The following TENT5B variants were observed in gnomAD, a reference collection of about 807,000 sequenced individuals.
TENT5B encodes family with sequence similarity 46 member B.
In TENT5B, 12 loss-of-function variants were observed where a neutral mutation model predicts 21.7. That is an observed-to-expected ratio of 0.55 (90% CI 0.36 to 0.90). The LOEUF (loss-of-function observed/expected upper bound fraction) is 0.90, where lower values mean the gene tolerates loss of function less well. Ranked by LOEUF, TENT5B falls within the 40% of genes least tolerant of loss-of-function variation. The pLI is 0.01. For missense variants in TENT5B, 540 were observed against 601.5 expected, an observed-to-expected ratio of 0.90 and a Z score of 1.07; for synonymous variants, 262 against 266.6, an observed-to-expected ratio of 0.98 and a Z score of 0.17.
At position 27,005,846 on chromosome 1, in the gene TENT5B, G is replaced by A; in HGVS notation, c.*98C>T. 1 of 1,461,888 alleles carries A rather than the reference G, an allele frequency of 6.8e-7. No individual in the cohort carries two copies. The highest frequency in any genetic ancestry group is 9.2e-7 in the Non-Finnish European group (1 of 1,091,658). The allele number at this position is 1,461,888 out of a possible 1,614,324, so 90.6% of individuals were successfully genotyped here. A position where few individuals can be genotyped will look rare whatever the true frequency, so the allele number is the denominator to read the frequency against. ...CCAACCCTGCAGTGCTGGGCCTCCT[G>A]GCACATTCTGCGCCTCTGGTCATGT... On this transcript the variant is annotated 3_prime_UTR_variant, in exon 2 of 2. Coordinates refer to ENST00000289166, the MANE Select transcript of TENT5B (RefSeq NM_052943.4).
At chr1:27,009,503 G>A (rs1321443738) in intron 1 of TENT5B, among the ~76,000 whole-genome samples, 1 of 152,230 alleles carries the variant, frequency 6.6e-6, no homozygotes, top group African/African-American at 2.4e-5. Flanking sequence ...GAATAGTTGG[G>A]GAACAGGAAG....
At chr1:27,007,280 A>G (rs964786237) in intron 1 of TENT5B, among the ~76,000 whole-genome samples, 5 of 152,108 alleles carry the variant, frequency 3.3e-5, no homozygotes, top group Non-Finnish European at 7.3e-5. Flanking sequence ...TGAGGTGGAT[A>G]CTATTATTCA....
chr1:27,006,149 A>T lies in TENT5B; in HGVS notation c.1073T>A (p.Met358Lys), dbSNP rs371926075. ...CAGCGTCTGGCGGCGCTCGTGGTTC[A>T]TGAGGCACACGGTGCTCTCGTTGAC... The part of the protein sequence containing the change: ...RVVNESTVCL[M>K]NHERRQTLDL... Residue 358 changes from methionine (M) to lysine (K), a missense_variant, in exon 2 of 2, where the codon ATG (methionine) becomes AAG (lysine). Transcript: ENST00000289166. This position sits in a 1 kb window ranked among gnomAD's most constrained non-coding sequence, Gnocchi z 9.4. 2.5e-6 allele frequency: 4 copies of T among 1,608,896 alleles called. No individual in the cohort carries two copies. The highest frequency in any genetic ancestry group is 3.4e-6 in the Non-Finnish European group (4 of 1,177,090).
rs747268490 is a variant in TENT5B, at chr1:27,006,845, A to G, written c.377T>C (p.Leu126Pro). The G allele has an allele frequency of 2.5e-6, 4 of 1,613,952 alleles. No homozygotes were observed. The highest frequency in any genetic ancestry group is 3.4e-6 in the Non-Finnish European group (4 of 1,180,046). Residue 126 changes from leucine (L) to proline (P), a missense_variant, in exon 2 of 2, where the codon CTG becomes CCG. By Grantham distance (98) the Leu-to-Pro change is moderately conservative (BLOSUM62 -3). Transcript: ENST00000289166. This position sits in a 1 kb window ranked among gnomAD's most constrained non-coding sequence, Gnocchi z 9.4. ...CAGGTCCACCCGGAACACCAGGTCC[A>G]GATCCTTGTAGCCCAGGCCACTCTC... ...HPESGLGYKD[L>P]DLVFRVDLRS...
Position 27,012,794 on chromosome 1 carries a change from G to A in TENT5B, c.-124C>T, listed in dbSNP as rs2082631148. ...AAGGCAGGGACGGGGCGGCAACGAC[G>A]GCGAGACAAAGCCAGGGAACACCTC... On this transcript the variant is annotated 5_prime_UTR_variant, in exon 1 of 2. Coordinates refer to ENST00000289166, the MANE Select transcript of TENT5B (RefSeq NM_052943.4). 3 of 1,233,422 alleles carry A rather than the reference G, an allele frequency of 2.4e-6. No homozygotes were observed. The highest frequency in any genetic ancestry group is 1.8e-5 in the South Asian group (1 of 55,252). 76.4% of individuals were successfully genotyped at this position (1,233,422 alleles called of 1,614,324 possible). A position where few individuals can be genotyped will look rare whatever the true frequency, so the allele number is the denominator to read the frequency against.
intron 1 of TENT5B, among the ~76,000 whole-genome samples, chr1:27,008,890 C>T (rs560830332): frequency 4.1e-5 from 6 of 147,174 alleles, no homozygotes; most frequent in African/African-American, 1.5e-4. Context: ...GCATGAGGTA[C>T]TATGCCAGGC....
Position 27,006,597 on chromosome 1 carries a change from T to C in TENT5B, c.625A>G (p.Arg209Gly). The change falls in exon 2 of 2, where the codon AGA becomes GGA. Residue 209 changes from arginine (R) to glycine (G), a missense_variant. By Grantham distance (125) the Arg-to-Gly change is moderately radical (BLOSUM62 -2). Transcript: ENST00000289166. The surrounding 1 kb of genome is among the most constrained non-coding windows in gnomAD (Gnocchi z 9.4). ...NVELKFVDSV[R>G]RQFEFSIDSF... ...TCTATGCTGAATTCAAACTGGCGTC[T>C]CACCGAGTCCACAAACTTGAGCTCC... 1 of 1,614,066 alleles carries C rather than the reference T, an allele frequency of 6.2e-7. No individual in the cohort carries two copies. The highest frequency in any genetic ancestry group is 2.2e-5 in the East Asian group (1 of 44,876).
intron 1 of TENT5B, 75 bp from the exon 2 acceptor site, chr1:27,007,032 C>T: frequency 7.1e-6 from 10 of 1,409,740 alleles, no homozygotes; most frequent in Non-Finnish European, 9.5e-6. Context: ...GTTTACTTAT[C>T]ACGGTAACTT....
intron 1 of TENT5B, 84 bp from the exon 2 acceptor site, chr1:27,007,041 T>G: frequency 8.3e-7 from 1 of 1,200,288 alleles, no homozygotes; most frequent in Non-Finnish European, 1.1e-6. Context: ...TCACGGTAAC[T>G]TCAACCACTA....
chr1:27,005,974 G>A lies in TENT5B; in HGVS notation c.1248C>T (p.His416=), dbSNP rs61737591. ...TACAAGGCAGCCAGGTGGGATAGGC[G>A]TGAGCCAGGAGAGGTTGCACGGGGG... ...YVTPVQPLLA[H]AYPTWLPCN The change falls in exon 2 of 2, where the codon CAC becomes CAT. Residue 416 remains histidine (H), a synonymous_variant. Transcript: ENST00000289166. 51,512 of 1,580,044 alleles carry A rather than the reference G, an allele frequency of 0.033. 1,000 individuals carry two copies. Among genetic ancestry groups the A allele is most frequent in the Non-Finnish European group, 0.039 (45,604 of 1,159,616 alleles).
intron 1 of TENT5B, among the ~76,000 whole-genome samples, chr1:27,009,852 C>T (rs532185532): frequency 1.9e-4 from 29 of 152,352 alleles, no homozygotes; most frequent in African/African-American, 6.5e-4. Flanking sequence ...TGTCTCCTTC[C>T]CAGGTGTGAC....
rs757383700 is a variant in TENT5B at position 27,006,264 on chromosome 1, G to A, written c.958C>T (p.Arg320Trp). Residue 320 changes from arginine (R) to tryptophan (W), a missense_variant, in exon 2 of 2, where the codon CGG becomes TGG. By Grantham distance (101) the Arg-to-Trp change is moderately radical. Transcript: ENST00000289166. The surrounding 1 kb of genome is among the most constrained non-coding windows in gnomAD (Gnocchi z 9.4). ...TCCAGGTAGCGCTCTAGGGTGCGCC[G>A]CTGCTCCACCAGGTCTGGAAAGTCG... ...FIDFPDLVEQ[R>W]RTLERYLEAH... 3 of 1,612,680 alleles carry A rather than the reference G, an allele frequency of 1.9e-6. No homozygotes were observed. Among genetic ancestry groups the A allele is most frequent in the East Asian group, 2.2e-5 (1 of 44,858 alleles).
At chr1:27,011,181 T>C (rs1434648933) in intron 1 of TENT5B, among the ~76,000 whole-genome samples, 1 of 152,110 alleles carries the variant, frequency 6.6e-6, no homozygotes, top group African/African-American at 2.4e-5. Flanking sequence ...CTGGGCCGCG[T>C]GTGAGTCAGC....
intron 1 of TENT5B, among the ~76,000 whole-genome samples, chr1:27,011,883 A>C (rs148546097): frequency 2.6e-3 from 390 of 152,138 alleles, no homozygotes; most frequent in Middle Eastern, 0.01. Context: ...GGAGTCCCTG[A>C]CAAGTTTTCT....
intron 1 of TENT5B, among the ~76,000 whole-genome samples, chr1:27,010,774 G>A (rs1463857851): frequency 6.6e-6 from 1 of 152,200 alleles, no homozygotes. Flanking sequence ...AGAAGGACAT[G>A]GCACCACCAT....
In TENT5B at chr1:27,005,197, A is replaced by T. The variant is rs1481771829; in HGVS notation, c.*747T>A. 1.3e-5 allele frequency: 2 copies of T among 152,730 alleles called. No individual in the cohort carries two copies. The highest frequency in any genetic ancestry group is 1.3e-4 in the Admixed American group (2 of 15,282). 9.5% of individuals were successfully genotyped at this position (152,730 alleles called of 1,614,324 possible). A position where few individuals can be genotyped will look rare whatever the true frequency, so the allele number is the denominator to read the frequency against. On this transcript the variant is annotated 3_prime_UTR_variant, in exon 2 of 2. Coordinates refer to ENST00000289166, the MANE Select transcript of TENT5B (RefSeq NM_052943.4). ...GCAAATTCAGGCTCAGCACCTTCCA[A>T]AGAACAAGCTCCCAGGCAGGAGGGC...
rs1570781847 is a variant in TENT5B, at chr1:27,006,504, C to A, written c.718G>T (p.Ala240Ser). The A allele has an allele frequency of 6.2e-7, 1 of 1,613,996 alleles. No homozygotes were observed. Among genetic ancestry groups the A allele is most frequent in the Admixed American group, 1.7e-5 (1 of 60,002 alleles). The change falls in exon 2 of 2, where the codon GCC becomes TCC. Residue 240 changes from alanine to serine, a missense_variant. Ala to Ser is a moderately conservative substitution (Grantham distance 99). Coordinates refer to ENST00000289166, the MANE Select transcript of TENT5B (RefSeq NM_052943.4). This position sits in a 1 kb window ranked among gnomAD's most constrained non-coding sequence, Gnocchi z 9.4. ...GQCSSTPMSE[A>S]FHPTVTGESL... The stretch of plus-strand genomic sequence containing the variant: ...TCGCCTGTGACCGTTGGGTGGAAGG[C>A]CTCAGACATGGGAGTGGACGAGCAC...
chr1:27,011,474 C>T (rs1393721467), intron 1 of TENT5B, among the ~76,000 whole-genome samples: 1 of 152,138 alleles, frequency 6.6e-6, no homozygotes, highest in Non-Finnish European at 1.5e-5. Flanking sequence ...GTAATCTGCT[C>T]CTGGGAAGAC....
At position 27,006,219 on chromosome 1, in the gene TENT5B, C is replaced by G. The variant is rs577654788; in HGVS notation, c.1003G>C (p.Asp335His). 1.2e-6 allele frequency: 2 copies of G among 1,609,670 alleles called. No individual in the cohort carries two copies. The highest frequency in any genetic ancestry group is 2.7e-5 in the African/African-American group (2 of 75,008). Residue 335 changes from aspartate (D) to histidine (H), a missense_variant, in exon 2 of 2, where the codon GAT (aspartate) becomes CAT (histidine). Transcript: ENST00000289166. The surrounding 1 kb of genome is among the most constrained non-coding windows in gnomAD (Gnocchi z 9.4). The part of the protein sequence containing the change: ...RYLEAHFGGA[D>H]AARRYACLVT... ...AGGCAGGCGTAACGGCGGGCTGCAT[C>G]TGCCCCACCGAAGTGGGCCTCCAGG...
Sources: gnomAD v4.1 joint callset for allele counts (sites outside exome capture counted in the v4.1 genomes callset) on GRCh38, gnomAD v4.1.1 for gene constraint, Gnocchi (gnomAD v3.1) non-coding constraint, MANE v1.5 for transcripts, NCBI Gene and HGNC (gene_info 2026-07-23, HGNC 2026-07-21) for gene names.